SEPTIN14: variants seen among roughly 807,000 people sequenced by gnomAD.
SEPTIN14 encodes the protein septin 14, also known as septin-14.
SEPTIN14 carries 40 observed loss-of-function variants against 53.6 expected under a neutral mutation model. The observed-to-expected ratio is 0.75, with a 90% CI of 0.58 to 0.97. The LOEUF (loss-of-function observed/expected upper bound fraction) is 0.97, where lower values mean the gene tolerates loss of function less well. SEPTIN14 is among the 50% of genes least tolerant of loss of function. The pLI is 0.00. For synonymous variants in SEPTIN14, 138 were observed against 166.8 expected (o/e 0.83, Z 1.33); for missense variants, 471 against 508.2 (o/e 0.93, Z 0.70).
chr7:55,858,562 T>G (rs1789688132), intron 2 of SEPTIN14, among the ~76,000 whole-genome samples: 1 of 152,090 alleles, frequency 6.6e-6, no homozygotes, highest in Non-Finnish European at 1.5e-5. Context: ...CCCAGCACTT[T>G]GGGAGGCAGA....
At chr7:55,801,000 T>C (rs992933504) in intron 9 of SEPTIN14, among the ~76,000 whole-genome samples, 3 of 151,956 alleles carry the variant, frequency 2.0e-5, no homozygotes, top group Admixed American at 2.0e-4. Context: ...AAAATATACA[T>C]CTCTTGACAC....
chr7:55,807,739 A>G (rs183273664), intron 7 of SEPTIN14, among the ~76,000 whole-genome samples: 2 of 152,286 alleles, frequency 1.3e-5, no homozygotes, highest in East Asian at 3.9e-4. Context: ...CCGTTAGTCA[A>G]TATTCAAAAT....
intron 7 of SEPTIN14, among the ~76,000 whole-genome samples, chr7:55,818,508 A>G (rs1354940179): frequency 6.6e-6 from 1 of 150,708 alleles, no homozygotes; most frequent in Non-Finnish European, 1.5e-5. Flanking sequence ...TTTGGAAACC[A>G]GTACAAGTAG....
chr7:55,834,865 T>C (rs1789176018), intron 5 of SEPTIN14, among the ~76,000 whole-genome samples: 1 of 152,144 alleles, frequency 6.6e-6, no homozygotes, highest in Non-Finnish European at 1.5e-5. Flanking sequence ...CAGGATGGTC[T>C]CAATCTCCTG....
At chr7:55,848,126 C>T (rs963290926) in intron 2 of SEPTIN14, among the ~76,000 whole-genome samples, 35 of 152,248 alleles carry the variant, frequency 2.3e-4, no homozygotes, top group African/African-American at 8.2e-4. Context: ...GTAGAAGCAT[C>T]AACAATCAGC....
intron 2 of SEPTIN14, among the ~76,000 whole-genome samples, chr7:55,849,791 T>G (rs1188065657): frequency 6.6e-6 from 1 of 151,968 alleles, no homozygotes; most frequent in Non-Finnish European, 1.5e-5. Flanking sequence ...AAACACAAAT[T>G]GCTCATAGCA....
intron 7 of SEPTIN14, among the ~76,000 whole-genome samples, chr7:55,818,261 C>G (rs1788829090): frequency 1.3e-5 from 2 of 151,908 alleles, no homozygotes. Flanking sequence ...CACCGGAGGT[C>G]AGGAGTTCAA....
At chr7:55,816,715 TTGAACC>T (rs1191605967) in intron 7 of SEPTIN14, among the ~76,000 whole-genome samples, 1 of 151,844 alleles carries the variant, frequency 6.6e-6, no homozygotes. Context: ...GGAGAATTGC[TTGAACC>T]CAGGAGGCAA....
chr7:55,803,606 T>C (rs549429216), intron 9 of SEPTIN14, among the ~76,000 whole-genome samples: 2 of 152,314 alleles, frequency 1.3e-5, no homozygotes, highest in South Asian at 4.1e-4. Context: ...AAGAGATATC[T>C]ACACTTTCAT....
At position 55,795,615 on chromosome 7, in the gene SEPTIN14, C is replaced by T. The variant is rs6965640; in HGVS notation, c.*298G>A. 0.23 allele frequency: 77,659 copies of T among 333,784 alleles called. 9,976 individuals are homozygous for T. The highest frequency in any genetic ancestry group is 0.26 in the Non-Finnish European group (47,042 of 177,674). The allele number at this position is 333,784 out of a possible 1,614,324, so 20.7% of individuals were successfully genotyped here. ...CCCAAGTGGCTGGGATTACAGGTAC[C>T]GGCCACCAAACCCAGCTAATTTTTG... On this transcript the variant is annotated 3_prime_UTR_variant, in exon 10 of 10. Transcript: ENST00000388975.
intron 6 of SEPTIN14, among the ~76,000 whole-genome samples, chr7:55,829,712 A>G (rs1369371797): frequency 6.6e-6 from 1 of 150,762 alleles, no homozygotes. Context: ...GTCTGCAACA[A>G]AAAATGGCCT....
intron 4 of SEPTIN14, among the ~76,000 whole-genome samples, chr7:55,843,607 G>T (rs764630339): frequency 5.9e-5 from 9 of 152,206 alleles, no homozygotes; most frequent in Non-Finnish European, 1.0e-4. Flanking sequence ...GCCAAGGTGG[G>T]TGGATCACGA....
At chr7:55,797,284 T>C (rs554706124) in intron 9 of SEPTIN14, among the ~76,000 whole-genome samples, 166 of 152,312 alleles carry the variant, frequency 1.1e-3, no homozygotes, top group African/African-American at 3.8e-3. Flanking sequence ...GGGAAAGATT[T>C]AGACATCCAA....
intron 2 of SEPTIN14, among the ~76,000 whole-genome samples, chr7:55,859,673 CTCAT>C (rs1348693688): frequency 6.6e-6 from 1 of 152,018 alleles, no homozygotes; most frequent in Non-Finnish European, 1.5e-5. Context: ...CTCTCTTTCT[CTCAT>C]TCTTTGTTTC....
intron 6 of SEPTIN14, among the ~76,000 whole-genome samples, chr7:55,822,387 G>A (rs892839166): frequency 3.3e-5 from 5 of 152,060 alleles, no homozygotes; most frequent in African/African-American, 1.2e-4. Context: ...ATTATTTTGT[G>A]AATAATAACA....
intron 5 of SEPTIN14, among the ~76,000 whole-genome samples, chr7:55,838,028 A>G (rs1012296764): frequency 6.6e-6 from 1 of 152,240 alleles, no homozygotes; most frequent in African/African-American, 2.4e-5. Flanking sequence ...TTCCTTCTGT[A>G]TGGATAAATC....
intron 2 of SEPTIN14, among the ~76,000 whole-genome samples, chr7:55,851,879 A>T (rs556788176): frequency 6.6e-6 from 1 of 152,206 alleles, no homozygotes; most frequent in Admixed American, 6.5e-5. Flanking sequence ...GCAGTGGCTC[A>T]CGCCTGTAAT....
chr7:55,811,263 A>G (rs905053656), intron 7 of SEPTIN14: 2 of 520,380 alleles, frequency 3.8e-6, no homozygotes, highest in Non-Finnish European at 7.8e-6. Context: ...GAGTTTATCC[A>G]CCTCCTTGAA....
chr7:55,843,797 G>A (rs146654507), intron 4 of SEPTIN14, among the ~76,000 whole-genome samples: 5,704 of 152,150 alleles, frequency 0.037, 132 homozygotes, highest in Admixed American at 0.058. Flanking sequence ...GCGCCACTGC[G>A]CTCTAGCCTG....
Sources: allele counts gnomAD v4.1 joint callset (sites outside exome capture counted in the v4.1 genomes callset), GRCh38; gene constraint gnomAD v4.1.1; transcripts MANE v1.5; gene names NCBI Gene and HGNC (gene_info 2026-07-23, HGNC 2026-07-21).